AFF3: variants seen among roughly 807,000 people sequenced by gnomAD.
The protein encoded by AFF3 is ALF transcription elongation factor 3, also known as AF4/FMR2 family member 3.
Under a neutral mutation model 129.7 loss-of-function variants are expected in AFF3, and 32 were observed. The observed-to-expected ratio is 0.25, with a 90% CI of 0.19 to 0.33. The LOEUF is 0.33. Among genes scored for constraint, AFF3 ranks in the 10% least tolerant of loss-of-function variants. The pLI, the probability that AFF3 is intolerant of heterozygous loss-of-function variation, is 1.00. For synonymous variants in AFF3, 644 were observed against 635.4 expected, an observed-to-expected ratio of 1.01 and a Z score of -0.20; for missense variants, 1,373 against 1,592.0, an observed-to-expected ratio of 0.86 and a Z score of 2.34.
At chr2:99,726,375 TA>T (rs1431044350) in intron 11 of AFF3, among the ~76,000 whole-genome samples, 1 of 152,212 alleles carries the variant, frequency 6.6e-6, no homozygotes, top group Admixed American at 6.5e-5. Context: ...CCACTGCTCA[TA>T]AGTGATAAAA....
At position 100,078,676 on chromosome 2, in the gene AFF3, A is replaced by G. The variant is rs888457793; in HGVS notation, c.53+25726T>C. On this transcript the variant is annotated intron_variant, in intron 4 of 24. Transcript: ENST00000672756. ...CTAAATGAAAGAATTAAAAAGTCAA[A>G]TGAGGAATTATATAGCCGTCCCTTG... 2.0e-5 allele frequency among the ~76,000 whole-genome samples: 3 copies of G among 152,284 alleles called. No homozygotes were observed. In the East Asian group the frequency reaches 5.8e-4, roughly 29 times the overall value.
chr2:99,947,621 T>C (rs147987831), intron 7 of AFF3, among the ~76,000 whole-genome samples: 12 of 143,294 alleles, frequency 8.4e-5, no homozygotes, highest in African/African-American at 3.1e-4. Flanking sequence ...GATAGATAGA[T>C]AGATAGATAG....
At chr2:100,023,195 C>G (rs1683741514) in intron 4 of AFF3, among the ~76,000 whole-genome samples, 1 of 152,188 alleles carries the variant, frequency 6.6e-6, no homozygotes, top group Non-Finnish European at 1.5e-5. Context: ...CTCACTGAAG[C>G]CCTCCCTTCA....
At chr2:99,789,518 C>A (rs1460274881) in intron 8 of AFF3, among the ~76,000 whole-genome samples, 1 of 151,676 alleles carries the variant, frequency 6.6e-6, no homozygotes, top group African/African-American at 2.4e-5. Flanking sequence ...TCCAGACACC[C>A]TAGAAATCAT....
rs58886075 is a variant in AFF3 at position 99,800,175 on chromosome 2, T to C, written c.921+37302A>G. On this transcript the variant is annotated intron_variant, in intron 8 of 24. Transcript: ENST00000672756. ...ACTTAGAGAAGATATTTGCAAAGTA[T>C]GTAAATAACTTGAATGTAGAACATA... is the stretch of plus-strand genomic sequence containing the variant. Among the ~76,000 whole-genome samples the C allele has an allele frequency of 2.0e-5, 3 of 152,332 alleles. No individual in the cohort carries two copies. In the East Asian group the frequency reaches 5.8e-4, roughly 29 times the overall value.
At chr2:99,751,830 C>T (rs574071431) in intron 9 of AFF3, among the ~76,000 whole-genome samples, 3 of 152,134 alleles carry the variant, frequency 2.0e-5, no homozygotes, top group South Asian at 2.1e-4. Flanking sequence ...AAATACCACA[C>T]GTCTTCAATA....
At chr2:100,119,440 C>T (rs548293227) in intron 2 of AFF3, among the ~76,000 whole-genome samples, 16 of 152,318 alleles carry the variant, frequency 1.1e-4, no homozygotes, top group South Asian at 1.0e-3. Context: ...TCTTCATTGG[C>T]CTCATGCTGC....
intron 4 of AFF3, among the ~76,000 whole-genome samples, chr2:100,080,419 C>T (rs1199972342): frequency 3.3e-5 from 5 of 151,788 alleles, no homozygotes; most frequent in Non-Finnish European, 5.9e-5. Flanking sequence ...TTATCTGGGG[C>T]CTTAGCTGAA....
At chr2:99,934,623 T>G (rs1048048670) in intron 7 of AFF3, among the ~76,000 whole-genome samples, 1 of 151,906 alleles carries the variant, frequency 6.6e-6, no homozygotes, top group African/African-American at 2.4e-5. Context: ...CCACAAAACC[T>G]CTAACTACAA....
chr2:99,936,742 T>C (rs1239799237), intron 7 of AFF3, among the ~76,000 whole-genome samples: 1 of 152,208 alleles, frequency 6.6e-6, no homozygotes, highest in Non-Finnish European at 1.5e-5. Flanking sequence ...ACACGCTTGC[T>C]AAAAAGGCAA....
chr2:99,558,583 G>C (rs1675169452), intron 22 of AFF3, among the ~76,000 whole-genome samples: 1 of 152,128 alleles, frequency 6.6e-6, no homozygotes, highest in Non-Finnish European at 1.5e-5. Flanking sequence ...TCGCACCATT[G>C]CACTGCAGCC....
chr2:99,982,393 C>A (rs879433751), intron 7 of AFF3, among the ~76,000 whole-genome samples: 2 of 152,226 alleles, frequency 1.3e-5, no homozygotes, highest in Non-Finnish European at 2.9e-5. Context: ...TCTTGCCTTG[C>A]CTTCCGCCAT....
intron 4 of AFF3, among the ~76,000 whole-genome samples, chr2:100,092,268 C>T (rs1484236603): frequency 1.3e-5 from 2 of 151,838 alleles, no homozygotes; most frequent in African/African-American, 4.8e-5. Context: ...CCTCAAAGCA[C>T]CCTCATCCCC....
intron 8 of AFF3, among the ~76,000 whole-genome samples, chr2:99,805,476 CAA>C (rs1686265186): frequency 6.6e-6 from 1 of 152,050 alleles, no homozygotes; most frequent in African/African-American, 2.4e-5. Context: ...AAATAAAACA[CAA>C]AGAGAATATG....
intron 7 of AFF3, among the ~76,000 whole-genome samples, chr2:99,984,371 T>C (rs1006349502): frequency 6.6e-6 from 1 of 152,184 alleles, no homozygotes; most frequent in Admixed American, 6.5e-5. Context: ...TTCACTCAGC[T>C]TCCATTTCCA....
chr2:100,108,855 A>G (rs1691414429), intron 2 of AFF3, among the ~76,000 whole-genome samples: 1 of 147,848 alleles, frequency 6.8e-6, no homozygotes, highest in Admixed American at 6.8e-5. Context: ...TTTATGCTTC[A>G]CTGACATTCT....
intron 12 of AFF3, among the ~76,000 whole-genome samples, chr2:99,671,979 C>T (rs1687180232): frequency 2.0e-5 from 3 of 152,168 alleles, no homozygotes; most frequent in Admixed American, 2.0e-4. Flanking sequence ...ATTTCAAGCA[C>T]ATTTATCATT....
At chr2:100,034,375 T>C (rs972480903) in intron 4 of AFF3, among the ~76,000 whole-genome samples, 4 of 152,148 alleles carry the variant, frequency 2.6e-5, no homozygotes, top group African/African-American at 9.7e-5. Context: ...AAATTAAATA[T>C]AGAAATTAAA....
chr2:99,709,548 CA>C (rs1336235854), intron 11 of AFF3, among the ~76,000 whole-genome samples: 1 of 152,028 alleles, frequency 6.6e-6, no homozygotes, highest in African/African-American at 2.4e-5. Context: ...CTCTTGCAGT[CA>C]AATGGGTATT....
Sources: allele counts gnomAD v4.1 joint callset (sites outside exome capture counted in the v4.1 genomes callset), GRCh38; gene constraint gnomAD v4.1.1; transcripts MANE v1.5; gene names NCBI Gene and HGNC (gene_info 2026-07-23, HGNC 2026-07-21).